Variants in LYPLA1 observed in about 807,000 individuals in gnomAD.
LYPLA1 encodes acyl-protein thioesterase 1.
LYPLA1 carries 17 observed loss-of-function variants against 34.0 expected under a neutral mutation model. That is an observed-to-expected ratio of 0.50 (90% CI 0.34 to 0.75). LYPLA1 has a LOEUF of 0.75. Ranked by LOEUF, LYPLA1 falls within the 30% of genes least tolerant of loss-of-function variation. The probability of loss-of-function intolerance (pLI) is 0.01; values close to 1 mark genes in which losing one functional copy is unlikely to be tolerated. For synonymous variants in LYPLA1, 98 were observed against 100.8 expected (o/e 0.97, Z 0.17); for missense variants, 203 against 288.8 (o/e 0.70, Z 2.15).
intron 2 of LYPLA1, among the ~76,000 whole-genome samples, chr8:54,094,927 G>C (rs1809569855): frequency 6.6e-6 from 1 of 152,132 alleles, no homozygotes; most frequent in Non-Finnish European, 1.5e-5. Flanking sequence ...AGTCTGTACT[G>C]ATTTAAAATT....
chr8:54,052,724 G>A lies in LYPLA1; in HGVS notation c.393C>T (p.Thr131=). The A allele has an allele frequency of 6.2e-7, 1 of 1,613,722 alleles. No individual in the cohort carries two copies. The highest frequency in any genetic ancestry group is 8.5e-7 in the Non-Finnish European group (1 of 1,179,700). The change falls in exon 7 of 9, where the codon ACC becomes ACT. Residue 131 remains threonine, a synonymous_variant. Transcript: ENST00000316963. ...GGALSLYTAL[T]TQQKLAGVTA... is the part of the protein sequence containing the mutation. ...TGACACCTGCCAGTTTCTGCTGTGT[G>A]GTAAGGGCAGTATATAAAGATAAAG...
intron 2 of LYPLA1, among the ~76,000 whole-genome samples, chr8:54,076,078 T>G (rs749947783): frequency 6.6e-6 from 1 of 152,216 alleles, no homozygotes; most frequent in Non-Finnish European, 1.5e-5. Context: ...CACAGCAGTA[T>G]AGTGGCACCT....
chr8:54,092,073 G>T (rs1809321507), intron 2 of LYPLA1, among the ~76,000 whole-genome samples: 1 of 151,772 alleles, frequency 6.6e-6, no homozygotes, highest in South Asian at 2.1e-4. Context: ...CCCTGTCGAA[G>T]CAAGGAGGAG....
At chr8:54,088,551 C>T (rs1441247347) in intron 2 of LYPLA1, among the ~76,000 whole-genome samples, 1 of 152,184 alleles carries the variant, frequency 6.6e-6, no homozygotes, top group Non-Finnish European at 1.5e-5. Context: ...TGAAAACTGT[C>T]CTGGAGTTCT....
chr8:54,072,591 TTTC>T (rs1376425141), intron 2 of LYPLA1, among the ~76,000 whole-genome samples: 1 of 151,990 alleles, frequency 6.6e-6, no homozygotes, highest in Admixed American at 6.6e-5. Context: ...ATTCCTTTAC[TTTC>T]TTAATAAACT....
chr8:54,077,548 C>A (rs1445747090), intron 2 of LYPLA1, among the ~76,000 whole-genome samples: 4 of 152,156 alleles, frequency 2.6e-5, no homozygotes, highest in African/African-American at 9.7e-5. Flanking sequence ...GTAATCCCAG[C>A]ACTTTGGGAG....
At chr8:54,097,540 A>G (rs1438520745) in intron 2 of LYPLA1, among the ~76,000 whole-genome samples, 2 of 152,256 alleles carry the variant, frequency 1.3e-5, no homozygotes, top group African/African-American at 4.8e-5. Flanking sequence ...TGCATAATAT[A>G]TTAGATAATA....
chr8:54,054,346 G>A (rs1806052367), intron 6 of LYPLA1: 1 of 152,512 alleles, frequency 6.6e-6, no homozygotes, highest in South Asian at 2.1e-4. Context: ...CATTATCTGT[G>A]AATTTCAACA....
At chr8:54,043,176 C>T (rs982383742), downstream of LYPLA1, 1 of 152,186 alleles carries the variant, frequency 6.6e-6, no homozygotes, top group African/African-American at 2.4e-5. Flanking sequence ...CCTTCCAGCT[C>T]GACCTCTGGA....
At chr8:54,061,189 T>A (rs1198148192) in intron 5 of LYPLA1, among the ~76,000 whole-genome samples, 8 of 151,530 alleles carry the variant, frequency 5.3e-5, no homozygotes, top group Non-Finnish European at 1.0e-4. Flanking sequence ...CAAGCGATTC[T>A]CCTGCCTCGG....
chr8:54,083,538 C>G (rs937678182), intron 2 of LYPLA1, among the ~76,000 whole-genome samples: 1 of 151,980 alleles, frequency 6.6e-6, no homozygotes, highest in Non-Finnish European at 1.5e-5. Flanking sequence ...TGCAAAGGAC[C>G]AAAAGAGTCA....
chr8:54,050,541 A>C (rs1304296712), intron 8 of LYPLA1, among the ~76,000 whole-genome samples: 1 of 152,190 alleles, frequency 6.6e-6, no homozygotes, highest in Non-Finnish European at 1.5e-5. Context: ...CCTGTCCTAT[A>C]GTTCTTTCTC....
chr8:54,078,438 A>G (rs970365798), intron 2 of LYPLA1, among the ~76,000 whole-genome samples: 2 of 152,210 alleles, frequency 1.3e-5, no homozygotes, highest in Admixed American at 1.3e-4. Flanking sequence ...CTCAACTACT[A>G]AAGTATACAT....
intron 8 of LYPLA1, among the ~76,000 whole-genome samples, chr8:54,050,471 T>TTA: frequency 6.6e-6 from 1 of 152,296 alleles, no homozygotes; most frequent in African/African-American, 2.4e-5. Flanking sequence ...AGAGTCTCTG[T>TTA]TCCCTATGTC....
Position 54,064,742 on chromosome 8 carries a change from A to G in LYPLA1, c.167+1006T>C, listed in dbSNP as rs542509843. On this transcript the variant is annotated intron_variant, in intron 3 of 8. Coordinates refer to ENST00000316963, the MANE Select transcript of LYPLA1 (RefSeq NM_006330.4). ...CTCAGCAACTTTTTGACCTAAATCAAGGGTGTCCAATCATTTGGTTTCCCT... is the reference window on the plus strand; with the variant it reads ...CTCAGCAACTTTTTGACCTAAATCAGGGGTGTCCAATCATTTGGTTTCCCT... Among the ~76,000 whole-genome samples the G allele has an allele frequency of 3.9e-3, 591 of 152,316 alleles. 8 individuals carry two copies. Among genetic ancestry groups the G allele is most frequent in the Middle Eastern group, 3.4e-3 (1 of 294 alleles).
chr8:54,082,077 T>C (rs1808366924), intron 2 of LYPLA1, among the ~76,000 whole-genome samples: 1 of 152,160 alleles, frequency 6.6e-6, no homozygotes. Context: ...AGATAAAGAT[T>C]GAGATACAGA....
At chr8:54,043,812 T>C (rs1351243766), downstream of LYPLA1, among the ~76,000 whole-genome samples, 2 of 152,082 alleles carry the variant, frequency 1.3e-5, no homozygotes, top group African/African-American at 2.4e-5. Flanking sequence ...CCACCCTCCT[T>C]GGCCTCTCAA....
chr8:54,068,849 G>A (rs1006539631), intron 2 of LYPLA1, among the ~76,000 whole-genome samples: 1 of 152,108 alleles, frequency 6.6e-6, no homozygotes, highest in African/African-American at 2.4e-5. Flanking sequence ...TAACTGTTGT[G>A]TTTCAAAGGA....
At chr8:54,073,168 G>A in intron 2 of LYPLA1, 1 of 749,378 alleles carries the variant, frequency 1.3e-6, no homozygotes, top group South Asian at 1.4e-5. Flanking sequence ...TCAGCCCCAG[G>A]AGGAGCCTGC....
Sources: gnomAD v4.1 joint callset for allele counts (sites outside exome capture counted in the v4.1 genomes callset) on GRCh38, gnomAD v4.1.1 for gene constraint, MANE v1.5 for transcripts, NCBI Gene and HGNC (gene_info 2026-07-23, HGNC 2026-07-21) for gene names.